Variants in ZNF804B observed in about 807,000 individuals in gnomAD.
ZNF804B encodes the protein zinc finger 804B.
Under a neutral mutation model 101.4 loss-of-function variants are expected in ZNF804B, and 80 were observed. The ratio of observed to expected loss-of-function variants is 0.79; its 90% CI spans 0.66 to 0.95. The LOEUF is 0.95. ZNF804B is among the 40% of genes least tolerant of loss of function. ZNF804B has a pLI of 0.00. For missense variants in ZNF804B, 1,673 were observed against 1,561.9 expected (o/e 1.07, Z -1.20); for synonymous variants, 622 against 558.8 (o/e 1.11, Z -1.59).
At chr7:89,275,880 T>C (rs1453280518) in intron 2 of ZNF804B, among the ~76,000 whole-genome samples, 2 of 151,728 alleles carry the variant, frequency 1.3e-5, no homozygotes, top group African/African-American at 4.9e-5. Flanking sequence ...CATTCTAAAG[T>C]GCAAAACCTC....
chr7:88,932,866 T>C (rs1443238797), intron 1 of ZNF804B, among the ~76,000 whole-genome samples: 3 of 151,828 alleles, frequency 2.0e-5, no homozygotes, highest in Non-Finnish European at 4.4e-5. Flanking sequence ...AAAGAAGAAT[T>C]GGTAACATTC....
chr7:88,922,430 C>T (rs913100335), intron 1 of ZNF804B, among the ~76,000 whole-genome samples: 3 of 151,862 alleles, frequency 2.0e-5, no homozygotes, highest in East Asian at 1.9e-4. Flanking sequence ...TTACTTTTCA[C>T]GAATTAGATT....
At chr7:88,954,641 T>C (rs1465928575) in intron 1 of ZNF804B, among the ~76,000 whole-genome samples, 1 of 151,080 alleles carries the variant, frequency 6.6e-6, no homozygotes, top group Non-Finnish European at 1.5e-5. Flanking sequence ...ACTCCAAAAA[T>C]GTCCAAGTAA....
intron 1 of ZNF804B, among the ~76,000 whole-genome samples, chr7:89,138,548 T>C (rs1357211109): frequency 6.6e-6 from 1 of 151,924 alleles, no homozygotes; most frequent in Non-Finnish European, 1.5e-5. Context: ...GTGAAATGAG[T>C]TAAGACTTTG....
chr7:88,884,658 A>T (rs1314308670), intron 1 of ZNF804B, among the ~76,000 whole-genome samples: 5 of 151,894 alleles, frequency 3.3e-5, no homozygotes, highest in African/African-American at 7.2e-5. Context: ...TATATGACAG[A>T]TGGAGAAATG....
chr7:89,136,872 G>T lies in ZNF804B; in HGVS notation c.109-81283G>T, dbSNP rs142448748. On this transcript the variant is annotated intron_variant, in intron 1 of 3. Transcript: ENST00000333190. ...GGAGGTAATTGAATAATTGGGGGAGGTCTTTCCTGTGCTGTTCTCATGATA... is the reference window on the plus strand; with the variant it reads ...GGAGGTAATTGAATAATTGGGGGAGTTCTTTCCTGTGCTGTTCTCATGATA... 1.7e-3 allele frequency among the ~76,000 whole-genome samples: 262 copies of T among 152,080 alleles called. 2 individuals are homozygous for T. The highest frequency in any genetic ancestry group is 5.8e-3 in the African/African-American group (242 of 41,504).
intron 1 of ZNF804B, among the ~76,000 whole-genome samples, chr7:88,816,323 C>A (rs143058769): frequency 0.026 from 3,972 of 152,226 alleles, 147 homozygotes; most frequent in African/African-American, 0.078. Context: ...TAGGCATGGG[C>A]AGGGACTTCG....
At chr7:88,966,906 A>G (rs921731173) in intron 1 of ZNF804B, among the ~76,000 whole-genome samples, 1 of 150,376 alleles carries the variant, frequency 6.6e-6, no homozygotes, top group Admixed American at 6.7e-5. Context: ...TACTGATTCC[A>G]TTGCAGCTTG....
chr7:89,025,155 AC>A (rs1788729888), intron 1 of ZNF804B, among the ~76,000 whole-genome samples: 1 of 152,130 alleles, frequency 6.6e-6, no homozygotes, highest in Non-Finnish European at 1.5e-5. Context: ...GTACTCATAA[AC>A]TGAGTTTGAG....
intron 1 of ZNF804B, among the ~76,000 whole-genome samples, chr7:88,856,655 T>G (rs1234918433): frequency 6.6e-6 from 1 of 151,656 alleles, no homozygotes; most frequent in Non-Finnish European, 1.5e-5. Context: ...TGAATAGGAG[T>G]GGTGAGAGAG....
chr7:88,970,606 G>C (rs988329753), intron 1 of ZNF804B, among the ~76,000 whole-genome samples: 1 of 150,964 alleles, frequency 6.6e-6, no homozygotes, highest in Non-Finnish European at 1.5e-5. Context: ...GAATATACAG[G>C]GTTGGGAAAC....
At chr7:89,205,442 A>G (rs1011801461) in intron 1 of ZNF804B, among the ~76,000 whole-genome samples, 2 of 152,180 alleles carry the variant, frequency 1.3e-5, no homozygotes, top group Non-Finnish European at 2.9e-5. Flanking sequence ...ATCAAAAGCA[A>G]CTTAGTTACT....
At chr7:89,100,408 G>A (rs547921553) in intron 1 of ZNF804B, among the ~76,000 whole-genome samples, 1 of 152,128 alleles carries the variant, frequency 6.6e-6, no homozygotes, top group East Asian at 1.9e-4. Context: ...TCTGGGCAAA[G>A]ATTTCTTGAG....
At chr7:89,319,373 T>C (rs1790783808) in intron 2 of ZNF804B, among the ~76,000 whole-genome samples, 1 of 152,204 alleles carries the variant, frequency 6.6e-6, no homozygotes, top group East Asian at 1.9e-4. Context: ...CAATAATAAA[T>C]GTTTTGTGAT....
rs201874141 is a variant in ZNF804B, at chr7:89,144,611, A to G, written c.109-73544A>G. ...ATAAGGTTTCAGTTAGACAGGAGAAATAAGATTTAGTGATCTATTATGCAA... is the reference window on the plus strand; with the variant it reads ...ATAAGGTTTCAGTTAGACAGGAGAAGTAAGATTTAGTGATCTATTATGCAA... On this transcript the variant is annotated intron_variant, in intron 1 of 3. Coordinates refer to ENST00000333190, the MANE Select transcript of ZNF804B (RefSeq NM_181646.5). Among the ~76,000 whole-genome samples, 5 of 152,016 alleles carry G rather than the reference A, an allele frequency of 3.3e-5. No individual in the cohort carries two copies. The East Asian group carries it at 9.6e-4, about 29-fold the overall frequency.
At chr7:89,041,844 C>A (rs980074204) in intron 1 of ZNF804B, among the ~76,000 whole-genome samples, 1 of 152,118 alleles carries the variant, frequency 6.6e-6, no homozygotes, top group African/African-American at 2.4e-5. Context: ...AGCTAAATTT[C>A]TTAGCTTTTG....
intron 1 of ZNF804B, among the ~76,000 whole-genome samples, chr7:88,896,443 C>T (rs1792286019): frequency 6.6e-6 from 1 of 152,084 alleles, no homozygotes; most frequent in South Asian, 2.1e-4. Flanking sequence ...ATATTGATTA[C>T]TTCTGGCAGG....
At chr7:88,772,614 A>C (rs1391340403) in intron 1 of ZNF804B, among the ~76,000 whole-genome samples, 1 of 152,214 alleles carries the variant, frequency 6.6e-6, no homozygotes, top group Non-Finnish European at 1.5e-5. Flanking sequence ...ATTGTATGAC[A>C]AATTTGGGTA....
chr7:88,884,642 G>A (rs1043305134), intron 1 of ZNF804B, among the ~76,000 whole-genome samples: 1 of 151,602 alleles, frequency 6.6e-6, no homozygotes, highest in Non-Finnish European at 1.5e-5. Context: ...AATTTATATT[G>A]CCTATTATAT....
Sources: gnomAD v4.1 joint callset for allele counts (sites outside exome capture counted in the v4.1 genomes callset) on GRCh38, gnomAD v4.1.1 for gene constraint, MANE v1.5 for transcripts, NCBI Gene and HGNC (gene_info 2026-07-23, HGNC 2026-07-21) for gene names.